Variants in BRINP1 observed in about 807,000 individuals in gnomAD.
BRINP1 encodes BMP/retinoic acid-inducible neural-specific protein 1.
Under a neutral mutation model 72.9 loss-of-function variants are expected in BRINP1, and 17 were observed. That is an observed-to-expected ratio of 0.23 (90% CI 0.16 to 0.35). BRINP1 has a LOEUF of 0.35. Among genes scored for constraint, BRINP1 ranks in the 10% least tolerant of loss-of-function variants. The pLI is 1.00. For missense variants in BRINP1, 850 were observed against 1,001.6 expected (o/e 0.85, Z 2.04); for synonymous variants, 418 against 378.5 (o/e 1.10, Z -1.21).
At chr9:119,321,855 T>C (rs1411128772) in intron 1 of BRINP1, among the ~76,000 whole-genome samples, 1 of 152,226 alleles carries the variant, frequency 6.6e-6, no homozygotes, top group East Asian at 1.9e-4. Flanking sequence ...AGGTGGCTGC[T>C]AGAAACTTTA....
chr9:119,261,686 G>A (rs748582137), intron 2 of BRINP1, among the ~76,000 whole-genome samples: 20 of 152,154 alleles, frequency 1.3e-4, no homozygotes, highest in Non-Finnish European at 2.6e-4. Context: ...AACAACCAAC[G>A]TGGTATTTCT....
chr9:119,287,146 A>C (rs1830770165), intron 2 of BRINP1, among the ~76,000 whole-genome samples: 1 of 151,622 alleles, frequency 6.6e-6, no homozygotes, highest in South Asian at 2.1e-4. Context: ...CCAAACACTT[A>C]GTTTACAGGA....
chr9:119,184,736 A>G (rs230151), intron 7 of BRINP1, among the ~76,000 whole-genome samples: 6,687 of 152,238 alleles, frequency 0.044, 446 homozygotes, highest in African/African-American at 0.14. Flanking sequence ...TGAGAAACAG[A>G]GTCCAGGGAC....
At chr9:119,168,656 CAT>C (rs1305191992) in intron 7 of BRINP1, among the ~76,000 whole-genome samples, 12 of 152,194 alleles carry the variant, frequency 7.9e-5, no homozygotes, top group Admixed American at 1.3e-4. Flanking sequence ...ACTTAAACCA[CAT>C]GTTTCAACCC....
At chr9:119,178,259 G>C (rs1403586929) in intron 7 of BRINP1, among the ~76,000 whole-genome samples, 2 of 152,170 alleles carry the variant, frequency 1.3e-5, no homozygotes, top group African/African-American at 4.8e-5. Context: ...GGGTGGGCTA[G>C]TTGTCCATTC....
intron 2 of BRINP1, among the ~76,000 whole-genome samples, chr9:119,276,354 T>C (rs1240054947): frequency 1.3e-5 from 2 of 152,242 alleles, no homozygotes; most frequent in African/African-American, 4.8e-5. Context: ...GATTTTTCTT[T>C]TCATATGTAT....
chr9:119,190,400 C>T (rs1422871237), intron 7 of BRINP1, among the ~76,000 whole-genome samples: 1 of 147,138 alleles, frequency 6.8e-6, no homozygotes, highest in Non-Finnish European at 1.5e-5. Context: ...ATCAACAAAC[C>T]CCTAGCTAGA....
chr9:119,369,125 G>C lies in BRINP1; in HGVS notation c.-120C>G. 2.5e-6 allele frequency: 1 copy of C among 398,272 alleles called. No homozygotes were observed. The highest frequency in any genetic ancestry group is 4.4e-6 in the Non-Finnish European group (1 of 225,868). 24.7% of individuals were successfully genotyped at this position (398,272 alleles called of 1,614,324 possible). A position where few individuals can be genotyped will look rare whatever the true frequency, so the allele number is the denominator to read the frequency against. ...TTTTTATTCGGCTCGGTGGGAACTT[G>C]GGAGAGCCCTGCGTGCAGCTCGCAT... On this transcript the variant is annotated 5_prime_UTR_variant, in exon 1 of 8. Transcript: ENST00000265922.
intron 1 of BRINP1, among the ~76,000 whole-genome samples, chr9:119,358,183 G>A (rs1379040300): frequency 6.6e-6 from 1 of 152,024 alleles, no homozygotes; most frequent in Non-Finnish European, 1.5e-5. Flanking sequence ...GGATGAAGAG[G>A]GGAATCATAA....
At chr9:119,290,893 C>T (rs892534995) in intron 2 of BRINP1, among the ~76,000 whole-genome samples, 7 of 152,054 alleles carry the variant, frequency 4.6e-5, no homozygotes, top group Admixed American at 3.3e-4. Context: ...GAGGCCGAGG[C>T]GGGCAGATCA....
chr9:119,254,096 AG>A (rs1366800981), intron 2 of BRINP1, among the ~76,000 whole-genome samples: 4 of 152,214 alleles, frequency 2.6e-5, no homozygotes, highest in African/African-American at 9.6e-5. Context: ...AGAGACAAAA[AG>A]GTTGATTACA....
At chr9:119,357,202 G>C (rs1338385997) in intron 1 of BRINP1, among the ~76,000 whole-genome samples, 1 of 152,188 alleles carries the variant, frequency 6.6e-6, no homozygotes, top group Non-Finnish European at 1.5e-5. Flanking sequence ...TCTTCTACCT[G>C]TTCTCAACCA....
At chr9:119,220,220 T>C (rs1830026081) in intron 5 of BRINP1, among the ~76,000 whole-genome samples, 1 of 152,166 alleles carries the variant, frequency 6.6e-6, no homozygotes, top group Non-Finnish European at 1.5e-5. Context: ...CACTGTGTTA[T>C]TGAGTTTCAA....
In BRINP1 at chr9:119,273,802, A is replaced by T. The variant is rs150318992; in HGVS notation, c.219-24652T>A. On this transcript the variant is annotated intron_variant, in intron 2 of 7. Coordinates refer to ENST00000265922, the MANE Select transcript of BRINP1 (RefSeq NM_014618.3). ...ACAAGGGTTGGGATAGGTATTAGTA[A>T]AGCCAAGATGCAAAAGTATCAGGTT... Among the ~76,000 whole-genome samples the T allele has an allele frequency of 1.6e-4, 24 of 152,288 alleles. No homozygotes were observed. The East Asian group carries it at 4.3e-3, about 27-fold the overall frequency.
intron 1 of BRINP1, among the ~76,000 whole-genome samples, chr9:119,365,755 G>A (rs1831684269): frequency 6.6e-6 from 1 of 152,080 alleles, no homozygotes; most frequent in Non-Finnish European, 1.5e-5. Flanking sequence ...ATTGCAGCCT[G>A]AGCTGGGTCG....
chr9:119,234,596 T>C (rs145017099), intron 5 of BRINP1, among the ~76,000 whole-genome samples: 9 of 152,306 alleles, frequency 5.9e-5, no homozygotes, highest in Non-Finnish European at 1.0e-4. Context: ...ATAATATTAA[T>C]AGTATTTTGA....
intron 2 of BRINP1, among the ~76,000 whole-genome samples, chr9:119,302,604 T>C (rs1173917904): frequency 6.6e-6 from 1 of 152,178 alleles, no homozygotes; most frequent in East Asian, 1.9e-4. Flanking sequence ...ATATAACATG[T>C]ACAGAGCTTC....
At position 119,167,574 on chromosome 9, in the gene BRINP1, T is replaced by C; in HGVS notation, c.1796A>G (p.Asn599Ser). Residue 599 changes from asparagine (N) to serine (S), a missense_variant, in exon 8 of 8, where the codon AAC (asparagine) becomes AGC (serine). Asn to Ser is a conservative substitution (Grantham distance 46). Transcript: ENST00000265922. This position sits in a 1 kb window ranked among gnomAD's most constrained non-coding sequence, Gnocchi z 4.3. ...KIRLQNSQCY[N>S]WTLLLGNRWK... Reference sequence around the variant, plus strand: ...CCGATTGCCCAGCAAAAGAGTCCAGTTGTAGCACTGGCTGTTTTGGAGACG... The same window carrying C: ...CCGATTGCCCAGCAAAAGAGTCCAGCTGTAGCACTGGCTGTTTTGGAGACG... The C allele has an allele frequency of 1.9e-6, 3 of 1,614,148 alleles. No homozygotes were observed. Among genetic ancestry groups the C allele is most frequent in the Non-Finnish European group, 2.5e-6 (3 of 1,180,028 alleles).
At chr9:119,232,056 C>T (rs919353945) in intron 5 of BRINP1, among the ~76,000 whole-genome samples, 1 of 152,152 alleles carries the variant, frequency 6.6e-6, no homozygotes, top group African/African-American at 2.4e-5. Context: ...GGTTTGAACG[C>T]ATTTTCACAT....
Sources: gnomAD v4.1 joint callset for allele counts (sites outside exome capture counted in the v4.1 genomes callset) on GRCh38, gnomAD v4.1.1 for gene constraint, Gnocchi (gnomAD v3.1) non-coding constraint, MANE v1.5 for transcripts, NCBI Gene and HGNC (gene_info 2026-07-23, HGNC 2026-07-21) for gene names.